FXYD6: variants seen among roughly 807,000 people sequenced by gnomAD.
FXYD6 encodes FXYD domain-containing ion transport regulator 6.
FXYD6 carries 7 observed loss-of-function variants against 16.7 expected under a neutral mutation model. The ratio of observed to expected loss-of-function variants is 0.42; its 90% CI spans 0.24 to 0.79. The LOEUF (loss-of-function observed/expected upper bound fraction) is 0.79. Ranked by LOEUF, FXYD6 falls within the 30% of genes least tolerant of loss-of-function variation. The pLI, the probability that FXYD6 is intolerant of heterozygous loss-of-function variation, is 0.28. For missense variants in FXYD6, 111 were observed against 116.2 expected (o/e 0.95, Z 0.21); for synonymous variants, 49 against 43.0 (o/e 1.14, Z -0.54).
chr11:117,859,891 T>C (rs569112052), intron 1 of FXYD6, among the ~76,000 whole-genome samples: 4 of 152,336 alleles, frequency 2.6e-5, no homozygotes, highest in African/African-American at 9.6e-5. Flanking sequence ...AGATCCACGC[T>C]ACAGCAATAG....
At position 117,867,695 on chromosome 11, in the gene FXYD6, G is replaced by C. The variant is rs919288460; in HGVS notation, c.-6+8897C>G. On this transcript the variant is annotated intron_variant, in intron 1 of 7. Coordinates refer to ENST00000526014, the MANE Select transcript of FXYD6 (RefSeq NM_022003.4). ...CTTCTCATTACTTTCAGCTAAGATG[G>C]TCTACGTTCCATCTTCTGCCACATG... Among the ~76,000 whole-genome samples the C allele has an allele frequency of 3.3e-5, 5 of 152,196 alleles. No individual in the cohort carries two copies. The East Asian group carries it at 5.8e-4, about 18-fold the overall frequency.
At chr11:117,856,814 G>C (rs1248412692) in intron 1 of FXYD6, among the ~76,000 whole-genome samples, 1 of 152,174 alleles carries the variant, frequency 6.6e-6, no homozygotes, top group Admixed American at 6.5e-5. Context: ...CTTTTTATTT[G>C]TGAAAATTGG....
At chr11:117,864,406 T>C (rs1411844251) in intron 1 of FXYD6, among the ~76,000 whole-genome samples, 5 of 152,098 alleles carry the variant, frequency 3.3e-5, no homozygotes, top group African/African-American at 1.2e-4. Flanking sequence ...AGAATAAAGG[T>C]AGACCCTTAC....
At chr11:117,853,713 G>A (rs747916532) in intron 1 of FXYD6, among the ~76,000 whole-genome samples, 4 of 152,174 alleles carry the variant, frequency 2.6e-5, no homozygotes, top group Admixed American at 6.5e-5. Context: ...GCTGGGTCTC[G>A]AAATCCTGAC....
intron 1 of FXYD6, among the ~76,000 whole-genome samples, chr11:117,876,297 CCAAGCT>C (rs2057263505): frequency 6.6e-6 from 1 of 152,174 alleles, no homozygotes; most frequent in South Asian, 2.1e-4. Context: ...AACCCTGACC[CCAAGCT>C]CAAGGCAGCA....
At chr11:117,843,685 C>A (rs1256674884) in intron 1 of FXYD6, 3 of 152,180 alleles carry the variant, frequency 2.0e-5, no homozygotes, top group Non-Finnish European at 4.4e-5. Context: ...GTCAGCTCTT[C>A]CCACAGGCTT....
At chr11:117,842,156 ATGCCTAGAGG>A in intron 2 of FXYD6, 128 bp from the exon 3 acceptor site, 2 of 1,445,362 alleles carry the variant, frequency 1.4e-6, no homozygotes, top group South Asian at 2.5e-5. Flanking sequence ...TTAAACAGAG[ATGCCTAGAGG>A]TGCACGGTAG....
intron 1 of FXYD6, among the ~76,000 whole-genome samples, chr11:117,869,363 C>T (rs183729703): frequency 2.2e-4 from 33 of 152,358 alleles, no homozygotes; most frequent in African/African-American, 7.7e-4. Context: ...GTGGCTGACA[C>T]CTCCCAGGGT....
In FXYD6 at chr11:117,840,335, GTTCTCCACCTGGGCTTCC is replaced by G; in HGVS notation, c.225_242del (p.Glu75_Asn81delinsAsp). 6.2e-7 allele frequency: 1 copy of G among 1,614,144 alleles called. No individual in the cohort carries two copies. The highest frequency in any genetic ancestry group is 8.5e-7 in the Non-Finnish European group (1 of 1,180,004). On this transcript the variant is annotated inframe_deletion, in exon 6 of 8. Transcript: ENST00000526014. ...GACAGTTACCATTGGCGGTGATGAG[GTTCTCCACCTGGGCTTCC>G]TCATCTCCTGGGGCCCTGCAGGAGA...
chr11:117,859,873 C>A (rs142653541), intron 1 of FXYD6, among the ~76,000 whole-genome samples: 2 of 152,162 alleles, frequency 1.3e-5, no homozygotes, highest in Admixed American at 1.3e-4. Context: ...TCTGGTCGTA[C>A]GCTACTCAGA....
intron 1 of FXYD6, among the ~76,000 whole-genome samples, chr11:117,860,545 T>C (rs1202842238): frequency 6.6e-6 from 1 of 152,234 alleles, no homozygotes; most frequent in Non-Finnish European, 1.5e-5. Context: ...TACTCACTTG[T>C]TGAACAGAGA....
At chr11:117,858,979 T>A (rs1296018956) in intron 1 of FXYD6, among the ~76,000 whole-genome samples, 1 of 152,020 alleles carries the variant, frequency 6.6e-6, no homozygotes, top group Non-Finnish European at 1.5e-5. Flanking sequence ...TTTCGCCATA[T>A]TGGCCAGGGT....
chr11:117,839,991 TTGC>T, intron 6 of FXYD6, 161 bp from the exon 7 acceptor site: 1 of 894,030 alleles, frequency 1.1e-6, no homozygotes, highest in Non-Finnish European at 1.8e-6. Flanking sequence ...GCCCTGCTAC[TTGC>T]TGCTTACAGG....
intron 1 of FXYD6, among the ~76,000 whole-genome samples, chr11:117,850,950 T>C (rs1026880846): frequency 2.0e-5 from 3 of 152,238 alleles, no homozygotes; most frequent in Non-Finnish European, 4.4e-5. Context: ...TAATAGTTAT[T>C]AGGCAGAATA....
At chr11:117,858,296 T>G (rs2056781658) in intron 1 of FXYD6, 1 of 152,308 alleles carries the variant, frequency 6.6e-6, no homozygotes, top group Non-Finnish European at 1.5e-5. Flanking sequence ...TCTTGCAGGA[T>G]TAAAAGGAAA....
chr11:117,858,713 CT>C (rs2056819981), intron 1 of FXYD6, among the ~76,000 whole-genome samples: 3 of 89,646 alleles, frequency 3.3e-5, no homozygotes, highest in Non-Finnish European at 7.3e-5. Flanking sequence ...CTCTCTCTCT[CT>C]CCTTCCTTCC....
At chr11:117,875,588 C>T (rs1242147621) in intron 1 of FXYD6, among the ~76,000 whole-genome samples, 1 of 152,160 alleles carries the variant, frequency 6.6e-6, no homozygotes. Context: ...CCAAAGGGGG[C>T]TCCTTTCAGA....
chr11:117,842,227 T>C (rs749232783), intron 2 of FXYD6, 199 bp from the exon 3 acceptor site: 14 of 682,052 alleles, frequency 2.1e-5, no homozygotes, highest in African/African-American at 1.6e-4. Flanking sequence ...CCGAGGTCAG[T>C]GAAGGCATCG....
At chr11:117,856,582 A>G (rs1344143909) in intron 1 of FXYD6, among the ~76,000 whole-genome samples, 1 of 152,232 alleles carries the variant, frequency 6.6e-6, no homozygotes, top group Non-Finnish European at 1.5e-5. Flanking sequence ...AGGCCGCAGA[A>G]TGCCTGGGCC....
Sources: gnomAD v4.1 joint callset for allele counts (sites outside exome capture counted in the v4.1 genomes callset) on GRCh38, gnomAD v4.1.1 for gene constraint, MANE v1.5 for transcripts, NCBI Gene and HGNC (gene_info 2026-07-23, HGNC 2026-07-21) for gene names.